SIPA1L3: variants seen among roughly 807,000 people sequenced by gnomAD.
SIPA1L3 encodes the protein signal-induced proliferation-associated 1-like protein 3.
SIPA1L3 carries 59 observed loss-of-function variants against 150.1 expected under a neutral mutation model. The ratio of observed to expected loss-of-function variants is 0.39; its 90% CI spans 0.32 to 0.49. The LOEUF is 0.49. Ranked by LOEUF, SIPA1L3 falls within the 20% of genes least tolerant of loss-of-function variation. The pLI is 0.86. For missense variants in SIPA1L3, 2,211 were observed against 2,489.5 expected, an observed-to-expected ratio of 0.89 and a Z score of 2.38; for synonymous variants, 1,070 against 1,077.6, an observed-to-expected ratio of 0.99 and a Z score of 0.14.
chr19:38,200,927 C>CA (rs374810786), intron 19 of SIPA1L3: 171 of 105,742 alleles, frequency 1.6e-3, no homozygotes, highest in Non-Finnish European at 1.4e-3. Context: ...AACTCCATTT[C>CA]AAAAAAAAAA....
intron 1 of SIPA1L3, among the ~76,000 whole-genome samples, chr19:37,986,643 GCTT>G (rs926667884): frequency 4.6e-5 from 7 of 152,344 alleles, no homozygotes; most frequent in Admixed American, 1.3e-4. Flanking sequence ...CTCCAGGGCA[GCTT>G]CTTCTTTTCT....
chr19:37,989,434 G>A (rs1967443025), intron 1 of SIPA1L3, among the ~76,000 whole-genome samples: 1 of 152,102 alleles, frequency 6.6e-6, no homozygotes, highest in South Asian at 2.1e-4. Flanking sequence ...GTGTTGCCCA[G>A]GCTGGTCTTG....
At chr19:38,134,844 G>A (rs1318985558) in intron 10 of SIPA1L3, among the ~76,000 whole-genome samples, 4 of 152,084 alleles carry the variant, frequency 2.6e-5, no homozygotes, top group East Asian at 1.9e-4. Flanking sequence ...AGGGTGGTCC[G>A]GGAAGGCCCG....
intron 4 of SIPA1L3, among the ~76,000 whole-genome samples, chr19:38,092,789 C>T (rs1970290348): frequency 6.6e-6 from 1 of 151,510 alleles, no homozygotes; most frequent in Non-Finnish European, 1.5e-5. Flanking sequence ...GCTGTAGGTG[C>T]TTCCCATGGT....
chr19:38,118,500 G>A (rs1230398357), intron 8 of SIPA1L3, among the ~76,000 whole-genome samples: 2 of 152,080 alleles, frequency 1.3e-5, no homozygotes, highest in African/African-American at 2.4e-5. Flanking sequence ...GTCAGAGGAT[G>A]TTCAGACATC....
rs922138311 is a variant in SIPA1L3, at chr19:38,142,683, A to G, written c.3506A>G (p.Tyr1169Cys). Reference protein sequence around the residue: ...GSFSTPGSATYVRYKPSPERY... With the variant: ...GSFSTPGSATCVRYKPSPERY... The stretch of plus-strand genomic sequence containing the variant: ...TTCTCCACCCCCGGTTCGGCCACCT[A>G]CGTGAGATACAAGCCATCCCCAGAA... The change falls in exon 12 of 22, where the codon TAC becomes TGC. Residue 1169 changes from tyrosine (Y) to cysteine (C), a missense_variant. Tyr to Cys is a radical substitution (Grantham distance 194). Around this residue, in one of 5 missense-constraint regions of SIPA1L3, gnomAD observed 806 missense variants for 870.1 expected, o/e 0.93. Transcript: ENST00000222345. 5.0e-6 allele frequency: 8 copies of G among 1,613,872 alleles called. No individual in the cohort carries two copies. In the African/African-American group the frequency reaches 9.3e-5, roughly 19 times the overall value.
chr19:38,072,162 T>G (rs903524132), intron 2 of SIPA1L3, among the ~76,000 whole-genome samples: 4 of 152,186 alleles, frequency 2.6e-5, no homozygotes, highest in African/African-American at 9.6e-5. Flanking sequence ...CTGTGTCAAC[T>G]CATAGCCATG....
intron 10 of SIPA1L3, among the ~76,000 whole-genome samples, chr19:38,131,344 G>A (rs182491384): frequency 1.4e-4 from 22 of 152,338 alleles, no homozygotes; most frequent in Admixed American, 1.3e-3. Context: ...GCTCCACGAG[G>A]CTCCACAGGG....
chr19:38,169,353 C>G (rs945966835), intron 15 of SIPA1L3, among the ~76,000 whole-genome samples: 1 of 151,900 alleles, frequency 6.6e-6, no homozygotes, highest in Non-Finnish European at 1.5e-5. Context: ...CACGCCATTG[C>G]ACTTCAGCCT....
At chr19:38,127,187 C>T (rs986030585) in intron 9 of SIPA1L3, among the ~76,000 whole-genome samples, 2 of 151,228 alleles carry the variant, frequency 1.3e-5, no homozygotes, top group Non-Finnish European at 2.9e-5. Context: ...AGCGAAACTC[C>T]GTCTCAAAAA....
chr19:38,133,331 C>T (rs1386984113), intron 10 of SIPA1L3, among the ~76,000 whole-genome samples: 3 of 152,212 alleles, frequency 2.0e-5, no homozygotes, highest in Non-Finnish European at 4.4e-5. Context: ...CAGACGAGTG[C>T]CATCTTCATT....
chr19:38,032,171 C>T (rs1383686770), intron 2 of SIPA1L3, among the ~76,000 whole-genome samples: 3 of 152,192 alleles, frequency 2.0e-5, no homozygotes, highest in African/African-American at 7.2e-5. Flanking sequence ...GTAAGGAAGA[C>T]CTGTCCCTTC....
chr19:37,996,897 A>G (rs1249593057), intron 1 of SIPA1L3, among the ~76,000 whole-genome samples: 1 of 151,942 alleles, frequency 6.6e-6, no homozygotes, highest in Non-Finnish European at 1.5e-5. Flanking sequence ...GGGTTTCACC[A>G]TGTTGGCCAG....
chr19:38,156,499 C>T (rs558199399), intron 13 of SIPA1L3, among the ~76,000 whole-genome samples: 47 of 150,008 alleles, frequency 3.1e-4, no homozygotes, highest in African/African-American at 5.4e-4. Flanking sequence ...CATACACACA[C>T]GCCCACATGG....
At chr19:37,993,977 C>A (rs1312004928) in intron 1 of SIPA1L3, among the ~76,000 whole-genome samples, 1 of 152,166 alleles carries the variant, frequency 6.6e-6, no homozygotes, top group Non-Finnish European at 1.5e-5. Context: ...TCACTGCAGC[C>A]AAGAATTCCT....
At chr19:38,069,432 T>C (rs1969666299) in intron 2 of SIPA1L3, among the ~76,000 whole-genome samples, 1 of 152,140 alleles carries the variant, frequency 6.6e-6, no homozygotes, top group South Asian at 2.1e-4. Context: ...GGGCCTGCTG[T>C]ATCTCATGTC....
intron 1 of SIPA1L3, among the ~76,000 whole-genome samples, chr19:37,979,616 G>A (rs1271077700): frequency 6.6e-6 from 1 of 151,600 alleles, no homozygotes; most frequent in Non-Finnish European, 1.5e-5. Context: ...AACACGGCCC[G>A]CCCATTTGGT....
At chr19:38,186,786 T>A (rs1317513490) in intron 16 of SIPA1L3, among the ~76,000 whole-genome samples, 74 of 145,572 alleles carry the variant, frequency 5.1e-4, no homozygotes, top group African/African-American at 1.8e-3. Context: ...AGGTCAGGAG[T>A]TCGAGACCAG....
intron 16 of SIPA1L3, among the ~76,000 whole-genome samples, chr19:38,188,879 C>T (rs1361785818): frequency 1.3e-5 from 2 of 150,852 alleles, no homozygotes; most frequent in African/African-American, 4.9e-5. Context: ...GCCAAGATTG[C>T]GCCACTGCAC....
Sources: allele counts gnomAD v4.1 joint callset (sites outside exome capture counted in the v4.1 genomes callset), GRCh38; gene constraint gnomAD v4.1.1; regional missense constraint gnomAD v4.1.1; transcripts MANE v1.5; gene names NCBI Gene and HGNC (gene_info 2026-07-23, HGNC 2026-07-21).